Variants in TTC7A observed in about 807,000 individuals in gnomAD.
The protein encoded by TTC7A is tetratricopeptide repeat protein 7A.
A neutral mutation model predicts 103.7 loss-of-function variants in TTC7A; 110 were observed. The observed-to-expected ratio is 1.06, with a 90% CI of 0.91 to 1.24. TTC7A has a LOEUF of 1.24. Among genes scored for constraint, TTC7A ranks in the 50% most tolerant of loss-of-function variants. The pLI, the probability that TTC7A is intolerant of heterozygous loss-of-function variation, is 0.00. For missense variants in TTC7A, 1,340 were observed against 1,116.3 expected (o/e 1.20, Z -2.86); for synonymous variants, 521 against 467.9 (o/e 1.11, Z -1.47).
chr2:46,954,321 C>A (rs536936076), intron 2 of TTC7A, among the ~76,000 whole-genome samples: 1 of 152,092 alleles, frequency 6.6e-6, no homozygotes, highest in Non-Finnish European at 1.5e-5. Flanking sequence ...CGACCTCCCC[C>A]GTGGCACCCT....
chr2:47,073,714 A>C lies in TTC7A; in HGVS notation c.2368A>C (p.Ser790Arg). 6.2e-7 allele frequency: 1 copy of C among 1,613,820 alleles called. No individual in the cohort carries two copies. ...RIMHSLGLML[S>R]RLGHKSLAQK... ...GCTTCGTCCACAGGGTCTGATGCTG[A>C]GTCGGCTGGGCCACAAGAGCTTGGC... Residue 790 changes from serine to arginine, a missense_variant, in exon 20 of 20, where the codon AGT becomes CGT. Physicochemically the swap from Ser to Arg is moderately radical, Grantham distance 110. Coordinates refer to ENST00000319190, the MANE Select transcript of TTC7A (RefSeq NM_020458.4).
chr2:46,966,912 T>C lies in TTC7A; in HGVS notation c.518-8061T>C, dbSNP rs529871588. ...GCCTGTGTTTTTTGTTTTTTTTTTT[T>C]CCGTTAAAAAATTGTGTTGGCCGGG... On this transcript the variant is annotated intron_variant, in intron 3 of 19. Coordinates refer to ENST00000319190, the MANE Select transcript of TTC7A (RefSeq NM_020458.4). Among the ~76,000 whole-genome samples, 991 of 151,008 alleles carry C rather than the reference T, an allele frequency of 6.6e-3. 10 individuals carry two copies. The highest frequency in any genetic ancestry group is 0.023 in the African/African-American group (935 of 41,158).
chr2:46,972,670 T>G (rs1217095460), intron 3 of TTC7A, among the ~76,000 whole-genome samples: 1 of 152,202 alleles, frequency 6.6e-6, no homozygotes, highest in Non-Finnish European at 1.5e-5. Flanking sequence ...CTATTACTGA[T>G]AAATGGGAAA....
chr2:47,009,822 C>T (rs1016060501), intron 10 of TTC7A, among the ~76,000 whole-genome samples: 2 of 145,672 alleles, frequency 1.4e-5, no homozygotes, highest in Non-Finnish European at 3.0e-5. Flanking sequence ...CAGGGGTGTA[C>T]ACACTGGGAG....
At chr2:46,985,128 C>G (rs1010274981) in intron 5 of TTC7A, among the ~76,000 whole-genome samples, 1 of 152,142 alleles carries the variant, frequency 6.6e-6, no homozygotes, top group Non-Finnish European at 1.5e-5. Flanking sequence ...GTTGACTGAC[C>G]GTCACCCCCC....
chr2:47,021,594 G>A (rs1003972139), intron 11 of TTC7A, among the ~76,000 whole-genome samples: 1 of 152,202 alleles, frequency 6.6e-6, no homozygotes, highest in Non-Finnish European at 1.5e-5. Flanking sequence ...TCTATGTGCC[G>A]AGCAGGACAG....
chr2:47,006,681 A>G lies in TTC7A; in HGVS notation c.1244A>G (p.His415Arg), dbSNP rs754042037. The change falls in exon 10 of 20, where the codon CAC (histidine) becomes CGC (arginine). Residue 415 changes from histidine to arginine, a missense_variant. By Grantham distance (29) the His-to-Arg change is conservative. Coordinates refer to ENST00000319190, the MANE Select transcript of TTC7A (RefSeq NM_020458.4). ...ATGAAGTTTGCGTTTGGAGAATTTC[A>G]CCTTTGGTACCAGGTGGCCCTCTCC... The part of the protein sequence containing the change: ...RAMKFAFGEF[H>R]LWYQVALSMV... 6.2e-7 allele frequency: 1 copy of G among 1,614,018 alleles called. No homozygotes were observed. Among genetic ancestry groups the G allele is most frequent in the Non-Finnish European group, 8.5e-7 (1 of 1,179,990 alleles).
At chr2:47,071,378 A>C (rs1487823286) in intron 19 of TTC7A, among the ~76,000 whole-genome samples, 2 of 152,104 alleles carry the variant, frequency 1.3e-5, no homozygotes, top group African/African-American at 4.8e-5. Flanking sequence ...TCCCCCACAG[A>C]GAGCCATGCC....
intron 16 of TTC7A, among the ~76,000 whole-genome samples, chr2:47,048,644 C>G (rs529449438): frequency 6.6e-6 from 1 of 152,214 alleles, no homozygotes; most frequent in South Asian, 2.1e-4. Flanking sequence ...GCCCTGTTGC[C>G]CAGGCTGGAG....
chr2:46,937,584 G>A (rs1208614300), upstream of TTC7A, among the ~76,000 whole-genome samples: 1 of 152,142 alleles, frequency 6.6e-6, no homozygotes, highest in African/African-American at 2.4e-5. This position sits in a 1 kb window ranked among gnomAD's most constrained non-coding sequence, Gnocchi z 4.0. Flanking sequence ...AAGTCAGAAT[G>A]GAAAACCCCC....
intron 14 of TTC7A, among the ~76,000 whole-genome samples, chr2:47,027,862 G>C (rs748590688): frequency 1.4e-5 from 2 of 145,424 alleles, no homozygotes; most frequent in Non-Finnish European, 3.0e-5. Flanking sequence ...TAGTCACCAG[G>C]ACTGGCAGCC....
chr2:47,000,004 T>G (rs1049448570), intron 8 of TTC7A: 1 of 735,526 alleles, frequency 1.4e-6, no homozygotes, highest in African/African-American at 1.9e-5. Context: ...CTGTGTGGCC[T>G]GGTTGAGCTT....
At chr2:46,974,659 A>T (rs764432354) in intron 3 of TTC7A, 4 of 481,282 alleles carry the variant, frequency 8.3e-6, no homozygotes, top group African/African-American at 3.9e-5. Flanking sequence ...AATTTTTTTA[A>T]AAAACCTCAT....
chr2:47,011,358 G>A lies in TTC7A; in HGVS notation c.1315G>A (p.Glu439Lys). The change falls in exon 11 of 20, where the codon GAG (glutamate) becomes AAG (lysine). Residue 439 changes from glutamate to lysine, a missense_variant. Physicochemically the swap from Glu to Lys is moderately conservative, Grantham distance 56. Coordinates refer to ENST00000319190, the MANE Select transcript of TTC7A (RefSeq NM_020458.4). The stretch of plus-strand genomic sequence containing the variant: ...AGCCTACGCTGTGTCCCTGCTGCGG[G>A]AGTGTGTGAAGTTGCGGCCCTCGGA... ...KSAYAVSLLR[E>K]CVKLRPSDPT... 1 of 1,613,368 alleles carries A rather than the reference G, an allele frequency of 6.2e-7. No homozygotes were observed. Among genetic ancestry groups the A allele is most frequent in the South Asian group, 1.1e-5 (1 of 91,014 alleles).
At chr2:47,049,158 C>T (rs1682614137) in intron 16 of TTC7A, among the ~76,000 whole-genome samples, 1 of 152,204 alleles carries the variant, frequency 6.6e-6, no homozygotes, top group African/African-American at 2.4e-5. Context: ...TGGCCTGCCT[C>T]CTCCTCTCCT....
At chr2:47,008,753 G>T (rs1227434318) in intron 10 of TTC7A, among the ~76,000 whole-genome samples, 4 of 152,188 alleles carry the variant, frequency 2.6e-5, no homozygotes, top group Non-Finnish European at 5.9e-5. Flanking sequence ...CTGTATCTGT[G>T]ATTATGCCCG....
At chr2:47,011,474 TG>T in intron 11 of TTC7A, 39 bp downstream of exon 11, 1 of 1,516,590 alleles carries the variant, frequency 6.6e-7, no homozygotes, top group Admixed American at 1.8e-5. Context: ...AGGCCTCCTG[TG>T]GGGAGGGTGG....
intron 16 of TTC7A, chr2:47,046,917 A>G: frequency 3.9e-6 from 1 of 253,740 alleles, no homozygotes; most frequent in Non-Finnish European, 7.5e-6. Flanking sequence ...TTCCATTTGG[A>G]GGCTAGAAGA....
chr2:47,030,154 C>T (rs1680376795), intron 15 of TTC7A, among the ~76,000 whole-genome samples: 1 of 152,224 alleles, frequency 6.6e-6, no homozygotes, highest in South Asian at 2.1e-4. Flanking sequence ...CCCCCTGTTC[C>T]ACCTTAGGGT....
Sources: allele counts gnomAD v4.1 joint callset (sites outside exome capture counted in the v4.1 genomes callset), GRCh38; gene constraint gnomAD v4.1.1; non-coding constraint Gnocchi (gnomAD v3.1); transcripts MANE v1.5; gene names NCBI Gene and HGNC (gene_info 2026-07-23, HGNC 2026-07-21).